Variants in NCAM2 observed in about 807,000 individuals in gnomAD.
NCAM2 encodes neural cell adhesion molecule 2, also known as N-CAM-2.
In NCAM2, 30 loss-of-function variants were observed where a neutral mutation model predicts 98.1. That is an observed-to-expected ratio of 0.31 (90% CI 0.23 to 0.41). NCAM2 has a LOEUF of 0.41. Among genes scored for constraint, NCAM2 ranks in the 10% least tolerant of loss-of-function variants. NCAM2 has a pLI of 1.00. For missense variants in NCAM2, 867 were observed against 1,005.8 expected (o/e 0.86, Z 1.87); for synonymous variants, 368 against 342.4 (o/e 1.07, Z -0.83).
In NCAM2 at chr21:21,049,027, T is replaced by TC. The variant is rs1209429680; in HGVS notation, c.55+50409_55+50410insC. 7.7e-3 allele frequency among the ~76,000 whole-genome samples: 1,150 copies of TC among 148,526 alleles called. 21 individuals are homozygous for TC. Among genetic ancestry groups the TC allele is most frequent in the African/African-American group, 0.026 (1,049 of 40,698 alleles). On this transcript the variant is annotated intron_variant, in intron 1 of 17. Coordinates refer to ENST00000400546, the MANE Select transcript of NCAM2 (RefSeq NM_004540.5). ...ATTTACTATTAATTTTTTTTTTTTT[T>TC]TTGAGACGGAGTCTCGCTCTGTCGC...
intron 2 of NCAM2, among the ~76,000 whole-genome samples, chr21:21,281,893 G>A (rs915449872): frequency 6.6e-6 from 1 of 151,390 alleles, no homozygotes; most frequent in African/African-American, 2.4e-5. Context: ...ATAAATAAAA[G>A]ATATAGTTAT....
intron 11 of NCAM2, among the ~76,000 whole-genome samples, chr21:21,430,875 A>G (rs531395306): frequency 1.5e-4 from 22 of 151,642 alleles, no homozygotes; most frequent in African/African-American, 2.7e-4. Flanking sequence ...GTGAAACCCT[A>G]TCTCTACTAA....
intron 4 of NCAM2, among the ~76,000 whole-genome samples, chr21:21,287,526 T>C (rs1196459468): frequency 1.3e-5 from 2 of 151,890 alleles, no homozygotes; most frequent in Non-Finnish European, 2.9e-5. Context: ...TTAGCTCTTT[T>C]CCCCTCAATA....
intron 1 of NCAM2, among the ~76,000 whole-genome samples, chr21:21,006,327 C>G (rs2064112711): frequency 6.6e-6 from 1 of 151,986 alleles, no homozygotes; most frequent in African/African-American, 2.4e-5. Context: ...GGCAACATGG[C>G]AAATCTCCGT....
chr21:21,238,822 A>G (rs2070947708), intron 1 of NCAM2, among the ~76,000 whole-genome samples: 3 of 152,156 alleles, frequency 2.0e-5, no homozygotes, highest in African/African-American at 4.8e-5. Flanking sequence ...GTTTACGTCA[A>G]TTTCCTGGGG....
chr21:21,366,088 G>A (rs1444781295), intron 8 of NCAM2, among the ~76,000 whole-genome samples: 1 of 152,050 alleles, frequency 6.6e-6, no homozygotes, highest in East Asian at 1.9e-4. Context: ...GGTAGATAGA[G>A]CAAGAAGCAT....
At chr21:21,502,106 C>T (rs1324436747) in intron 15 of NCAM2, among the ~76,000 whole-genome samples, 1 of 151,916 alleles carries the variant, frequency 6.6e-6, no homozygotes, top group Non-Finnish European at 1.5e-5. Context: ...ATGTTTTCAA[C>T]ATTTTGACAC....
chr21:21,137,765 T>C (rs550530289), intron 1 of NCAM2, among the ~76,000 whole-genome samples: 5 of 152,182 alleles, frequency 3.3e-5, no homozygotes, highest in African/African-American at 1.2e-4. Flanking sequence ...TTAAAAAAAA[T>C]GTTGAAAGTG....
intron 1 of NCAM2, among the ~76,000 whole-genome samples, chr21:21,279,740 G>A (rs2072862410): frequency 6.6e-6 from 1 of 152,136 alleles, no homozygotes; most frequent in South Asian, 2.1e-4. Flanking sequence ...TGGTTACTAT[G>A]ATCAATAAAT....
At chr21:21,119,139 T>G (rs2066621730) in intron 1 of NCAM2, among the ~76,000 whole-genome samples, 1 of 152,206 alleles carries the variant, frequency 6.6e-6, no homozygotes, top group Non-Finnish European at 1.5e-5. Context: ...TGAAATTCAT[T>G]CAGAGTCTAG....
chr21:21,491,120 AT>A (rs1986812720), intron 15 of NCAM2, among the ~76,000 whole-genome samples: 1 of 151,800 alleles, frequency 6.6e-6, no homozygotes, highest in African/African-American at 2.4e-5. Flanking sequence ...AAGTTACTCA[AT>A]TTTTGGATAA....
chr21:21,422,292 G>C (rs1429139548), intron 11 of NCAM2, among the ~76,000 whole-genome samples: 1 of 152,146 alleles, frequency 6.6e-6, no homozygotes, highest in African/African-American at 2.4e-5. Context: ...AGACACTGGA[G>C]ACTCCCAAAG....
intron 10 of NCAM2, among the ~76,000 whole-genome samples, chr21:21,415,368 T>C (rs2076971662): frequency 7.0e-6 from 1 of 142,402 alleles, no homozygotes; most frequent in Non-Finnish European, 1.5e-5. Context: ...AGACAGGGTC[T>C]TGCTCTGTCG....
intron 1 of NCAM2, among the ~76,000 whole-genome samples, chr21:21,225,995 T>C (rs1000367710): frequency 1.3e-5 from 2 of 152,110 alleles, no homozygotes; most frequent in East Asian, 1.9e-4. Flanking sequence ...AATGAAATCA[T>C]GTCCTTTGTG....
At chr21:21,410,544 TGC>T in intron 10 of NCAM2, 83 bp downstream of exon 10, 1 of 701,642 alleles carries the variant, frequency 1.4e-6, no homozygotes, top group Non-Finnish European at 2.1e-6. Flanking sequence ...TATCTTCATA[TGC>T]ATATATATAT....
intron 15 of NCAM2, among the ~76,000 whole-genome samples, chr21:21,482,764 A>G (rs1173094579): frequency 9.7e-6 from 1 of 103,168 alleles, no homozygotes; most frequent in Non-Finnish European, 2.0e-5. Flanking sequence ...TAATTTTGTA[A>G]TTAATATTTT....
intron 6 of NCAM2, among the ~76,000 whole-genome samples, chr21:21,333,818 G>T (rs1255824666): frequency 6.6e-6 from 1 of 151,850 alleles, no homozygotes; most frequent in Non-Finnish European, 1.5e-5. Flanking sequence ...GAAATATATT[G>T]TATCCCTAAT....
At chr21:21,077,105 T>C (rs1174941675) in intron 1 of NCAM2, among the ~76,000 whole-genome samples, 1 of 152,180 alleles carries the variant, frequency 6.6e-6, no homozygotes, top group Non-Finnish European at 1.5e-5. Flanking sequence ...TCAGCTTCTC[T>C]TGTTCTTAGA....
In NCAM2 at chr21:21,477,484, A is replaced by G. The variant is rs199632421; in HGVS notation, c.2077+13A>G. 6.4e-7 allele frequency: 1 copy of G among 1,566,606 alleles called. No homozygotes were observed. The highest frequency in any genetic ancestry group is 8.7e-7 in the Non-Finnish European group (1 of 1,150,362). On this transcript the variant is annotated intron_variant, in intron 15 of 17. Transcript: ENST00000400546. The stretch of plus-strand genomic sequence containing the variant: ...AACATTATTAAAGGTAAGCAAAACT[A>G]TATTCTTTTTTAGACTGAACAATAA...
Sources: allele counts gnomAD v4.1 joint callset (sites outside exome capture counted in the v4.1 genomes callset), GRCh38; gene constraint gnomAD v4.1.1; transcripts MANE v1.5; gene names NCBI Gene and HGNC (gene_info 2026-07-23, HGNC 2026-07-21).